The following LARGE1 variants were observed in gnomAD, a reference collection of about 807,000 sequenced individuals.
LARGE1 encodes LARGE xylosyl- and glucuronyltransferase 1.
In LARGE1, 43 loss-of-function variants were observed where a neutral mutation model predicts 87.6. The observed-to-expected ratio is 0.49, with a 90% CI of 0.38 to 0.63. The LOEUF is 0.63. Among genes scored for constraint, LARGE1 ranks in the 30% least tolerant of loss-of-function variants. LARGE1 has a pLI of 0.00. For missense variants in LARGE1, 802 were observed against 1,000.2 expected (o/e 0.80, Z 2.67); for synonymous variants, 434 against 394.6 (o/e 1.10, Z -1.18).
chr22:33,343,275 T>C (rs972821991), intron 9 of LARGE1, among the ~76,000 whole-genome samples: 1 of 152,064 alleles, frequency 6.6e-6, no homozygotes, highest in South Asian at 2.1e-4. Context: ...CACACCACCA[T>C]GTCCAGCTAA....
At chr22:33,120,366 CTTTCTTTCTTTCTT>C in the LARGE1 span, among the ~76,000 whole-genome samples, 4 of 140,012 alleles carry the variant, frequency 2.9e-5, no homozygotes, top group East Asian at 9.7e-4. Context: ...CTTTTTCTTT[CTTTCTTTCTTTCTT>C]TCTTTCTTTC....
At chr22:33,368,723 T>C (rs541119037) in intron 9 of LARGE1, among the ~76,000 whole-genome samples, 25 of 152,264 alleles carry the variant, frequency 1.6e-4, no homozygotes, top group Admixed American at 1.6e-3. Context: ...TTCAGACTAC[T>C]GTAATAAAGT....
chr22:33,449,242 A>G (rs1372520868), intron 6 of LARGE1, among the ~76,000 whole-genome samples: 4 of 152,212 alleles, frequency 2.6e-5, no homozygotes, highest in Admixed American at 2.6e-4. Context: ...ATAGTATTTT[A>G]AAATGTGAGC....
intron 11 of LARGE1, among the ~76,000 whole-genome samples, chr22:33,203,066 ACTCTCTCTCTCTCT>A (rs35446457): frequency 1.9e-3 from 263 of 139,478 alleles, no homozygotes; most frequent in African/African-American, 6.4e-3. Context: ...TAGAATCTAA[ACTCTCTCTCTCTCT>A]CTCTCTCTCT....
downstream of LARGE1, among the ~76,000 whole-genome samples, chr22:33,270,440 G>A (rs1342295918): frequency 6.6e-6 from 1 of 152,188 alleles, no homozygotes; most frequent in Non-Finnish European, 1.5e-5. Context: ...AGGGGTTTTT[G>A]AAGCCAGCCA....
intron 11 of LARGE1, among the ~76,000 whole-genome samples, chr22:33,225,743 G>C (rs1467738438): frequency 6.6e-6 from 1 of 151,970 alleles, no homozygotes; most frequent in Non-Finnish European, 1.5e-5. Flanking sequence ...CCCACTGTCT[G>C]TTGTTCCCCT....
At chr22:33,306,079 C>T (rs1429123233) in intron 11 of LARGE1, among the ~76,000 whole-genome samples, 1 of 152,096 alleles carries the variant, frequency 6.6e-6, no homozygotes, top group Non-Finnish European at 1.5e-5. Context: ...CTCCTGACCT[C>T]GTGATCCGCC....
chr22:33,766,023 C>T (rs1330650773), intron 1 of LARGE1, among the ~76,000 whole-genome samples: 3 of 152,092 alleles, frequency 2.0e-5, no homozygotes, highest in Non-Finnish European at 2.9e-5. Flanking sequence ...CCTCTGTGTA[C>T]TAAAAACACA....
intron 6 of LARGE1, among the ~76,000 whole-genome samples, chr22:33,558,430 G>T (rs776279545): frequency 3.9e-5 from 6 of 152,126 alleles, no homozygotes; most frequent in Non-Finnish European, 8.8e-5. Context: ...AACACGCAAG[G>T]TCCAAGTGTC....
chr22:33,459,227 C>T (rs573143917), intron 6 of LARGE1, among the ~76,000 whole-genome samples: 10 of 152,070 alleles, frequency 6.6e-5, no homozygotes, highest in South Asian at 2.1e-4. Flanking sequence ...TTTAACAGAA[C>T]GAAAACTGAA....
At chr22:33,674,735 G>C (rs9621753) in intron 2 of LARGE1, among the ~76,000 whole-genome samples, 2,702 of 152,228 alleles carry the variant, frequency 0.018, 92 homozygotes, top group African/African-American at 0.062. Context: ...TCAACCTCAG[G>C]AAAGTCTCCC....
intron 1 of LARGE1, among the ~76,000 whole-genome samples, chr22:33,838,960 G>T (rs887884790): frequency 2.0e-5 from 3 of 152,170 alleles, no homozygotes; most frequent in Non-Finnish European, 4.4e-5. Flanking sequence ...TAGAATTTCT[G>T]ATAGAAACCA....
chr22:33,212,658 C>T (rs1427504620), intron 11 of LARGE1, among the ~76,000 whole-genome samples: 2 of 152,294 alleles, frequency 1.3e-5, no homozygotes, highest in Admixed American at 6.5e-5. Context: ...AGTGATTCCT[C>T]TGATGAATCT....
chr22:33,921,175 C>T (rs1039860696), upstream of LARGE1, among the ~76,000 whole-genome samples: 3 of 151,964 alleles, frequency 2.0e-5, no homozygotes, highest in African/African-American at 7.2e-5. This position sits in a 1 kb window ranked among gnomAD's most constrained non-coding sequence, Gnocchi z 4.1. Context: ...TTCGCCCCCG[C>T]ACAGGCTCCG....
At chr22:33,387,902 A>G (rs2065384836) in intron 7 of LARGE1, among the ~76,000 whole-genome samples, 3 of 152,236 alleles carry the variant, frequency 2.0e-5, no homozygotes, top group African/African-American at 7.2e-5. Context: ...CTGTTAAAAA[A>G]TTAAAGCATT....
At chr22:33,353,362 A>G (rs1213396713) in intron 9 of LARGE1, among the ~76,000 whole-genome samples, 5 of 152,196 alleles carry the variant, frequency 3.3e-5, no homozygotes, top group Admixed American at 6.5e-5. Context: ...AAAGGACAAT[A>G]AAGTCCAGTA....
At chr22:33,260,189 AC>A (rs560569417) in intron 11 of LARGE1, among the ~76,000 whole-genome samples, 1 of 149,326 alleles carries the variant, frequency 6.7e-6, no homozygotes, top group South Asian at 2.1e-4. Context: ...TTTTCTTCCC[AC>A]CCCCCTGCCT....
chr22:33,519,234 G>A (rs978450688), intron 6 of LARGE1, among the ~76,000 whole-genome samples: 9 of 135,540 alleles, frequency 6.6e-5, no homozygotes, highest in African/African-American at 1.1e-4. Context: ...GCGTGCGCGC[G>A]CGTGTGTGTG....
At chr22:33,587,948 C>T (rs917719215) in intron 5 of LARGE1, among the ~76,000 whole-genome samples, 1 of 152,166 alleles carries the variant, frequency 6.6e-6, no homozygotes, top group South Asian at 2.1e-4. Flanking sequence ...AAAATCCATT[C>T]ATTCTCTACA....
Sources: gnomAD v4.1 joint callset for allele counts (sites outside exome capture counted in the v4.1 genomes callset) on GRCh38, gnomAD v4.1.1 for gene constraint, Gnocchi (gnomAD v3.1) non-coding constraint, MANE v1.5 for transcripts, NCBI Gene and HGNC (gene_info 2026-07-23, HGNC 2026-07-21) for gene names.